Variants in AHRR observed in about 807,000 individuals in gnomAD.
The protein encoded by AHRR is aryl hydrocarbon receptor repressor.
A neutral mutation model predicts 44.0 loss-of-function variants in AHRR; 28 were observed. That is an observed-to-expected ratio of 0.64 (90% CI 0.47 to 0.87). The LOEUF is 0.87. AHRR is among the 40% of genes least tolerant of loss of function. The pLI is 0.00. For synonymous variants in AHRR, 434 were observed against 407.0 expected, an observed-to-expected ratio of 1.07 and a Z score of -0.80; for missense variants, 990 against 953.9, an observed-to-expected ratio of 1.04 and a Z score of -0.50.
chr5:371,986 G>A (rs982497696), intron 3 of AHRR, among the ~76,000 whole-genome samples: 4 of 152,328 alleles, frequency 2.6e-5, no homozygotes, highest in South Asian at 2.1e-4. Context: ...AGGCCCCGCC[G>A]AGGGCTCTGC....
intron 4 of AHRR, among the ~76,000 whole-genome samples, chr5:401,549 CAACTCCAGGCAGGACAAG>C (rs1169681041): frequency 2.0e-5 from 3 of 152,202 alleles, no homozygotes; most frequent in African/African-American, 7.2e-5. Context: ...TCCCCACGGT[CAACTCCAGGCAGGACAAG>C]AACTCCAGGA....
At chr5:414,135 C>CAT (rs1735598647) in intron 5 of AHRR, among the ~76,000 whole-genome samples, 1 of 152,048 alleles carries the variant, frequency 6.6e-6, no homozygotes, top group Non-Finnish European at 1.5e-5. Context: ...TGGTGGCGTG[C>CAT]ACCCGTAGTC....
rs10673744 is a variant in AHRR, at chr5:324,019, CTT to C, written c.-11+2202_-11+2203del. On this transcript the variant is annotated intron_variant, in intron 1 of 10. Coordinates refer to ENST00000684583, the MANE Select transcript of AHRR (RefSeq NM_001377236.1). ...TTTCTTTTTTTCTCTTTCTTTCTTT[CTT>C]TCTCTCTCTCTCTCTGTCTCTCTTT... Among the ~76,000 whole-genome samples the C allele has an allele frequency of 5.0e-3, 720 of 144,270 alleles. 15 individuals are homozygous for C. Among genetic ancestry groups the C allele is most frequent in the African/African-American group, 0.021 (708 of 34,376 alleles). 94.6% of individuals were successfully genotyped at this position (144,270 alleles called of 152,430 possible). A position where few individuals can be genotyped will look rare whatever the true frequency, so the allele number is the denominator to read the frequency against.
rs1296213571 is a variant in AHRR, at chr5:342,816, G to A, written c.-10-1077G>A. 6.6e-6 allele frequency among the ~76,000 whole-genome samples: 1 copy of A among 152,216 alleles called. No individual in the cohort carries two copies. Among genetic ancestry groups the A allele is most frequent in the Non-Finnish European group, 1.5e-5 (1 of 68,036 alleles). On this transcript the variant is annotated intron_variant, in intron 1 of 10. Transcript: ENST00000684583. This position sits in a 1 kb window ranked among gnomAD's most constrained non-coding sequence, Gnocchi z 4.3. ...GAAGGGTGATGCCCTCTCTGAGGTG[G>A]GTGGCAGGCAAGCTGACCAGCCTGG...
chr5:334,006 C>T (rs148632122), intron 1 of AHRR, among the ~76,000 whole-genome samples: 171 of 152,134 alleles, frequency 1.1e-3, no homozygotes, highest in African/African-American at 4.0e-3. Context: ...AATTGTTGGC[C>T]GAAAGTTTTT....
chr5:372,141 G>C (rs1302527236), intron 3 of AHRR, among the ~76,000 whole-genome samples: 1 of 152,226 alleles, frequency 6.6e-6, no homozygotes, highest in Non-Finnish European at 1.5e-5. Flanking sequence ...CAGTGGTGCT[G>C]CTCAGCACAC....
At chr5:399,673 G>A (rs1734926343) in intron 4 of AHRR, among the ~76,000 whole-genome samples, 1 of 152,186 alleles carries the variant, frequency 6.6e-6, no homozygotes, top group South Asian at 2.1e-4. Flanking sequence ...GGGCGGAGGC[G>A]GCGTCAGCAC....
rs1016351707 is a variant in AHRR at position 434,676 on chromosome 5, T to C, written c.1936T>C (p.Cys646Arg). The change falls in exon 11 of 11, where the codon TGC becomes CGC. Residue 646 changes from cysteine to arginine, a missense_variant. By Grantham distance (180) the Cys-to-Arg change is radical (BLOSUM62 -3). Transcript: ENST00000684583. ...ARGRGEQSCT[C>R]RAAEAAPVVK... ...GGGCCGAGGTGAACAGTCCTGCACC[T>C]GCAGAGCTGCTGAGGCCGCCCCTGT... 1.1e-5 allele frequency: 17 copies of C among 1,569,182 alleles called. No homozygotes were observed. The African/African-American group carries it at 2.2e-4, about 20-fold the overall frequency.
Position 436,324 on chromosome 5 carries a change from CCT to C in AHRR, c.*1495_*1496del, listed in dbSNP as rs1195175095. 26 of 152,590 alleles carry C rather than the reference CCT, an allele frequency of 1.7e-4. No homozygotes were observed. The highest frequency in any genetic ancestry group is 4.6e-4 in the African/African-American group (19 of 41,458). 9.5% of individuals were successfully genotyped at this position (152,590 alleles called of 1,614,324 possible). A position where few individuals can be genotyped will look rare whatever the true frequency, so the allele number is the denominator to read the frequency against. On this transcript the variant is annotated 3_prime_UTR_variant, in exon 11 of 11. Coordinates refer to ENST00000684583, the MANE Select transcript of AHRR (RefSeq NM_001377236.1). Reference sequence around the variant, plus strand: ...TGCATTCTGCCTCCTGTGTGGACGCCCTCTCTGTTGTCAGTGGCTTTGAGGTG... The same window carrying C: ...TGCATTCTGCCTCCTGTGTGGACGCCCTCTGTTGTCAGTGGCTTTGAGGTG...
At chr5:329,576 A>C (rs572956673) in intron 1 of AHRR, among the ~76,000 whole-genome samples, 20 of 152,312 alleles carry the variant, frequency 1.3e-4, no homozygotes, top group African/African-American at 4.8e-4. Context: ...GAATCTATAG[A>C]TTGCCTTGGG....
In AHRR at chr5:435,842, T is replaced by C. The variant is rs1737004765; in HGVS notation, c.*1008T>C. On this transcript the variant is annotated 3_prime_UTR_variant, in exon 11 of 11. Transcript: ENST00000684583. ...ACAAGTATTAATAGCATTAAAACAG[T>C]TGTAAAGGCGATATTTTCTGAGAGT... The C allele has an allele frequency of 6.6e-6, 1 of 152,594 alleles. No individual in the cohort carries two copies. The highest frequency in any genetic ancestry group is 2.1e-4 in the South Asian group (1 of 4,812). 9.5% of individuals were successfully genotyped at this position (152,594 alleles called of 1,614,324 possible).
At position 436,686 on chromosome 5, in the gene AHRR, G is replaced by A. The variant is rs1737093393; in HGVS notation, c.*1852G>A. The A allele has an allele frequency of 6.6e-6, 1 of 152,514 alleles. No individual in the cohort carries two copies. The highest frequency in any genetic ancestry group is 1.5e-5 in the Non-Finnish European group (1 of 68,176). The allele number at this position is 152,514 out of a possible 1,614,324, so 9.4% of individuals were successfully genotyped here. A position where few individuals can be genotyped will look rare whatever the true frequency, so the allele number is the denominator to read the frequency against. ...CAAAAGGTGACCTCCATGCTGTGCTGTCGTGGGTGTGAGACGTGCTCATGG... is the reference window on the plus strand; with the variant it reads ...CAAAAGGTGACCTCCATGCTGTGCTATCGTGGGTGTGAGACGTGCTCATGG... On this transcript the variant is annotated 3_prime_UTR_variant, in exon 11 of 11. Coordinates refer to ENST00000684583, the MANE Select transcript of AHRR (RefSeq NM_001377236.1).
chr5:376,515 G>T (rs1733666982), intron 3 of AHRR, 95 bp from the exon 4 acceptor site: 10 of 1,326,302 alleles, frequency 7.5e-6, no homozygotes, highest in South Asian at 3.0e-5. Flanking sequence ...GAGAACCGTG[G>T]GGTGAACGCG....
intron 9 of AHRR, 34 bp from the exon 10 acceptor site, chr5:432,772 C>T (rs756691610): frequency 2.4e-5 from 38 of 1,612,550 alleles, no homozygotes; most frequent in Non-Finnish European, 3.0e-5. Flanking sequence ...CAGCTCGCAC[C>T]GTGACGGCTT....
intron 2 of AHRR, among the ~76,000 whole-genome samples, chr5:350,530 C>T (rs1233718357): frequency 6.6e-6 from 1 of 152,268 alleles, no homozygotes; most frequent in East Asian, 1.9e-4. Flanking sequence ...TGTCCTCTCC[C>T]CACTGCCTTC....
chr5:389,620 C>T (rs954728581), intron 4 of AHRR, among the ~76,000 whole-genome samples: 1 of 151,896 alleles, frequency 6.6e-6, no homozygotes, highest in African/African-American at 2.4e-5. Flanking sequence ...GCCCTGGACA[C>T]CGAGCCCGGG....
rs1013898218 is a variant in AHRR at position 387,036 on chromosome 5, A to G, written c.351+10320A>G. On this transcript the variant is annotated intron_variant, in intron 4 of 10. Transcript: ENST00000684583. The surrounding 1 kb of genome is among the most constrained non-coding windows in gnomAD (Gnocchi z 5.1). ...CTCTCCTTCTGGGAGCCTTGTTTCC[A>G]TATCCGTTTGATTGTCAAAGCCTCT... 3.3e-5 allele frequency among the ~76,000 whole-genome samples: 5 copies of G among 152,200 alleles called. No homozygotes were observed. Among genetic ancestry groups the G allele is most frequent in the African/African-American group, 1.2e-4 (5 of 41,442 alleles).
chr5:395,238 C>A lies in AHRR; in HGVS notation c.352-18106C>A, dbSNP rs1003922316. The stretch of plus-strand genomic sequence containing the variant: ...CAGGTGGCCGACACTGGCTGCCCTG[C>A]GTCCCCATTCCCTGAATGACACTGG... On this transcript the variant is annotated intron_variant, in intron 4 of 10. Transcript: ENST00000684583. The surrounding 1 kb of genome is among the most constrained non-coding windows in gnomAD (Gnocchi z 5.3). Among the ~76,000 whole-genome samples the A allele has an allele frequency of 6.6e-6, 1 of 152,214 alleles. No individual in the cohort carries two copies. Among genetic ancestry groups the A allele is most frequent in the African/African-American group, 2.4e-5 (1 of 41,448 alleles).
chr5:394,302 G>A (rs955040232), intron 4 of AHRR, among the ~76,000 whole-genome samples: 1 of 143,180 alleles, frequency 7.0e-6, no homozygotes, highest in Non-Finnish European at 1.5e-5. Flanking sequence ...TTTCCTCCCT[G>A]TGTGCTGGAG....
Sources: allele counts gnomAD v4.1 joint callset (sites outside exome capture counted in the v4.1 genomes callset), GRCh38; gene constraint gnomAD v4.1.1; non-coding constraint Gnocchi (gnomAD v3.1); transcripts MANE v1.5; gene names NCBI Gene and HGNC (gene_info 2026-07-23, HGNC 2026-07-21).